Variants in ARRDC5 observed in about 807,000 individuals in gnomAD.
ARRDC5 encodes arrestin domain-containing protein 5.
In ARRDC5, 12 loss-of-function variants were observed where a neutral mutation model predicts 13.3. The observed-to-expected ratio is 0.90, with a 90% CI of 0.58 to 1.46. ARRDC5 has a LOEUF of 1.46. ARRDC5 is among the 40% of genes most tolerant of loss of function. ARRDC5 has a pLI of 0.00. For missense variants in ARRDC5, 406 were observed against 418.7 expected (o/e 0.97, Z 0.26); for synonymous variants, 181 against 173.4 (o/e 1.04, Z -0.34).
intron 1 of ARRDC5, 110 bp downstream of exon 1, chr19:4,902,463 C>T: frequency 9.3e-7 from 1 of 1,070,708 alleles, no homozygotes; most frequent in Non-Finnish European, 1.4e-6. Context: ...AATCAGGCCA[C>T]TCCCTATTTC....
At chr19:4,905,516 T>C (rs140805179), upstream of ARRDC5, among the ~76,000 whole-genome samples, 684 of 151,714 alleles carry the variant, frequency 4.5e-3, 3 homozygotes, top group Admixed American at 7.4e-3. Context: ...ATTATTTATT[T>C]ATTTATTTAT....
upstream of ARRDC5, among the ~76,000 whole-genome samples, chr19:4,903,897 C>T (rs755987912): frequency 3.9e-5 from 6 of 152,150 alleles, no homozygotes; most frequent in Admixed American, 6.6e-5. Context: ...AAATCTGGTG[C>T]GCACTGAAGT....
intron 2 of ARRDC5, among the ~76,000 whole-genome samples, chr19:4,894,450 G>C (rs2031632379): frequency 7.5e-6 from 1 of 133,866 alleles, no homozygotes; most frequent in Non-Finnish European, 1.6e-5. Flanking sequence ...GGTGGAGCTT[G>C]CAGTGAGCCG....
chr19:4,897,204 G>A (rs373535433), intron 1 of ARRDC5, among the ~76,000 whole-genome samples: 7 of 152,136 alleles, frequency 4.6e-5, no homozygotes, highest in African/African-American at 7.2e-5. Context: ...CGATCCGCCC[G>A]TCTTGCCCTC....
At chr19:4,892,992 A>T (rs1032866017) in intron 2 of ARRDC5, among the ~76,000 whole-genome samples, 1 of 150,084 alleles carries the variant, frequency 6.7e-6, no homozygotes, top group African/African-American at 2.5e-5. Flanking sequence ...AATCCCAGCT[A>T]CTCAGGAGGC....
Position 4,891,037 on chromosome 19 carries a change from T to C in ARRDC5, c.*9A>G. The C allele has an allele frequency of 6.2e-7, 1 of 1,601,290 alleles. No individual in the cohort carries two copies. Among genetic ancestry groups the C allele is most frequent in the Non-Finnish European group, 8.5e-7 (1 of 1,174,442 alleles). ...TAATAAAGCTTTTAATATTTAAAAG[T>C]TCGGGCACTTAATTCTGGTGATCTG... On this transcript the variant is annotated 3_prime_UTR_variant, in exon 3 of 3. Coordinates refer to ENST00000650722, the MANE Select transcript of ARRDC5 (RefSeq NM_001080523.3).
the ARRDC5 span, chr19:4,911,167 C>T: frequency 1.1e-6 from 1 of 893,860 alleles, no homozygotes; most frequent in Middle Eastern, 3.7e-4. Context: ...TCATCTCTCC[C>T]GGAAGGAGAA....
At chr19:4,907,276 A>AT (rs59086062), upstream of ARRDC5, among the ~76,000 whole-genome samples, 167 of 148,256 alleles carry the variant, frequency 1.1e-3, no homozygotes, top group African/African-American at 3.5e-3. Flanking sequence ...TGCCCAGCTA[A>AT]TTTTTTTTTT....
At chr19:4,894,681 CAAA>C (rs375739622) in intron 2 of ARRDC5, among the ~76,000 whole-genome samples, 3 of 60,136 alleles carry the variant, frequency 5.0e-5, no homozygotes, top group Non-Finnish European at 7.0e-5. Flanking sequence ...GAGACTGTCT[CAAA>C]AAAAAAAAAA....
chr19:4,893,505 CAA>C (rs74173031), intron 2 of ARRDC5, among the ~76,000 whole-genome samples: 6 of 136,758 alleles, frequency 4.4e-5, no homozygotes, highest in Non-Finnish European at 6.2e-5. Context: ...GACTCTGTCT[CAA>C]AAAAAAAAAG....
At position 4,890,847 on chromosome 19, in the gene ARRDC5, C is replaced by A; in HGVS notation, c.*199G>T. 3.6e-6 allele frequency: 2 copies of A among 562,450 alleles called. No individual in the cohort carries two copies. The highest frequency in any genetic ancestry group is 4.6e-5 in the South Asian group (2 of 43,548). The allele number at this position is 562,450 out of a possible 1,614,324, so 34.8% of individuals were successfully genotyped here. On this transcript the variant is annotated 3_prime_UTR_variant, in exon 3 of 3. Coordinates refer to ENST00000650722, the MANE Select transcript of ARRDC5 (RefSeq NM_001080523.3). ...GGGTTTGGGTCCTGGGAGACCTTCCCGGTTTCCTTTGTCCATTCCAGGCAT... is the reference window on the plus strand; with the variant it reads ...GGGTTTGGGTCCTGGGAGACCTTCCAGGTTTCCTTTGTCCATTCCAGGCAT...
At chr19:4,907,686 C>T (rs995522144), upstream of ARRDC5, among the ~76,000 whole-genome samples, 1 of 148,344 alleles carries the variant, frequency 6.7e-6, no homozygotes, top group Non-Finnish European at 1.5e-5. Context: ...GCCCATCTTC[C>T]TTGCCTCTTG....
At chr19:4,901,870 C>T (rs73530784) in intron 1 of ARRDC5, among the ~76,000 whole-genome samples, 2,081 of 152,060 alleles carry the variant, frequency 0.014, 43 homozygotes, top group African/African-American at 0.047. Flanking sequence ...GGAAGGTCTC[C>T]CTTGCTCTTC....
upstream of ARRDC5, chr19:4,903,069 C>G (rs1466175977): frequency 8.4e-6 from 4 of 478,168 alleles, no homozygotes; most frequent in Admixed American, 1.4e-4. Flanking sequence ...CCCTGTAGCC[C>G]AGGCTGGAGT....
Position 4,896,800 on chromosome 19 carries a change from GGT to G in ARRDC5, c.328_329del (p.Thr110GlnfsTer51). 5.6e-6 allele frequency: 9 copies of G among 1,613,872 alleles called. No individual in the cohort carries two copies. The highest frequency in any genetic ancestry group is 7.6e-6 in the Non-Finnish European group (9 of 1,179,848). On this transcript the variant is annotated frameshift_variant, in exon 2 of 3. Coordinates refer to ENST00000650722, the MANE Select transcript of ARRDC5 (RefSeq NM_001080523.3). LOFTEE classifies it high-confidence loss of function. Reference protein sequence around the residue: ...NLPPRLPSTFTSKFGHVFYFV... With the variant: ...NLPPRLPSTFXSKFGHVFYFV... Reference sequence around the variant, plus strand: ...AATAGAAGACATGGCCAAATTTGCTGGTGAAGGTAGAAGGAAGCCTGGGAGGT... The same window carrying G: ...AATAGAAGACATGGCCAAATTTGCTGGAAGGTAGAAGGAAGCCTGGGAGGT...
Position 4,896,671 on chromosome 19 carries a change from C to T in ARRDC5, c.459G>A (p.Gln153=), listed in dbSNP as rs1255004006. The T allele has an allele frequency of 4.4e-6, 7 of 1,607,674 alleles. No individual in the cohort carries two copies. In the Admixed American group the frequency reaches 5.0e-5, roughly 11 times the overall value. Reference sequence around the variant, plus strand: ...ACCTCCACCTTTCCCCCATCGGTACCTGGAATGGGGTTTCTTTGTGGAAGG... The same window carrying T: ...ACCTCCACCTTTCCCCCATCGGTACTTGGAATGGGGTTTCTTTGTGGAAGG... ...TSTFHKETPF[Q]NPLFVEAEEK... is the part of the protein sequence containing the mutation. The change falls in exon 2 of 3, where the codon CAG becomes CAA. Residue 153 remains glutamine (Q), a splice_region_variant and synonymous_variant. Coordinates refer to ENST00000650722, the MANE Select transcript of ARRDC5 (RefSeq NM_001080523.3).
Position 4,896,752 on chromosome 19 carries a change from GC to G in ARRDC5, c.377del (p.Gly126AlafsTer6). ...VFYFVQASCM[G>X]REHILAKKRM... The stretch of plus-strand genomic sequence containing the variant: ...TCTTCTTGGCTAAAATGTGTTCCCT[GC>G]CCATGCAGGAAGCTTGTACGAAATA... On this transcript the variant is annotated frameshift_variant, in exon 2 of 3. Coordinates refer to ENST00000650722, the MANE Select transcript of ARRDC5 (RefSeq NM_001080523.3). LOFTEE classifies it high-confidence loss of function. 6.2e-7 allele frequency: 1 copy of G among 1,613,712 alleles called. No individual in the cohort carries two copies. Among genetic ancestry groups the G allele is most frequent in the Non-Finnish European group, 8.5e-7 (1 of 1,179,722 alleles).
chr19:4,891,397 C>T lies in ARRDC5; in HGVS notation c.636G>A (p.Leu212=), dbSNP rs761122257. The T allele has an allele frequency of 6.8e-6, 11 of 1,613,414 alleles. No individual in the cohort carries two copies. The highest frequency in any genetic ancestry group is 1.7e-5 in the Admixed American group (1 of 59,998). Residue 212 remains leucine, a synonymous_variant, in exon 3 of 3, where the codon CTG becomes CTA. Coordinates refer to ENST00000650722, the MANE Select transcript of ARRDC5 (RefSeq NM_001080523.3). The part of the protein sequence containing the change: ...SKCIKTVVFA[L]YAHIQYEGFT... ...AGCCCTCGTACTGTATGTGGGCATA[C>T]AGGGCGAATACGACCGTCTTGATGC... is the stretch of plus-strand genomic sequence containing the variant.
chr19:4,903,019 C>CTTACTGGTTCTTTT, upstream of ARRDC5: 2 of 447,144 alleles, frequency 4.5e-6, no homozygotes, highest in South Asian at 5.1e-5. Context: ...ACCTGTAGTC[C>CTTACTGGTTCTTTT]TCACTGGTTC....
Sources: allele counts gnomAD v4.1 joint callset (sites outside exome capture counted in the v4.1 genomes callset), GRCh38; gene constraint gnomAD v4.1.1; transcripts MANE v1.5; gene names NCBI Gene and HGNC (gene_info 2026-07-23, HGNC 2026-07-21).